MLPH: variants seen among roughly 807,000 people sequenced by gnomAD.
MLPH encodes the protein exophilin-3.
Under a neutral mutation model 72.1 loss-of-function variants are expected in MLPH, and 51 were observed. The ratio of observed to expected loss-of-function variants is 0.71; its 90% CI spans 0.56 to 0.89. The LOEUF is 0.89. Ranked by LOEUF, MLPH falls within the 40% of genes least tolerant of loss-of-function variation. MLPH has a pLI of 0.00. For missense variants in MLPH, 743 were observed against 759.9 expected (o/e 0.98, Z 0.26); for synonymous variants, 301 against 310.1 (o/e 0.97, Z 0.31).
chr2:237,549,701 G>T (rs7564714), intron 14 of MLPH, among the ~76,000 whole-genome samples: 9,404 of 152,154 alleles, frequency 0.062, 956 homozygotes, highest in African/African-American at 0.21. Flanking sequence ...GGCTCTTGGG[G>T]TATCTGTGTG....
At chr2:237,501,143 G>C (rs1406394220) in intron 2 of MLPH, among the ~76,000 whole-genome samples, 2 of 151,976 alleles carry the variant, frequency 1.3e-5, no homozygotes, top group Admixed American at 6.6e-5. Context: ...TTCCTTGTTA[G>C]TGTCTTATCC....
rs985135382 is a variant in MLPH, at chr2:237,512,203, T to G, written c.445+1102T>G. Among the ~76,000 whole-genome samples, 1 of 152,332 alleles carries G rather than the reference T, an allele frequency of 6.6e-6. No individual in the cohort carries two copies. The highest frequency in any genetic ancestry group is 2.1e-4 in the South Asian group (1 of 4,828). ...CCAGGCGTCTCCCCCAGGCCTTCCT[T>G]CTGGAGAGACACCTTATTCGTGCCT... On this transcript the variant is annotated intron_variant, in intron 4 of 15. Coordinates refer to ENST00000264605, the MANE Select transcript of MLPH (RefSeq NM_024101.7). The surrounding 1 kb of genome is among the most constrained non-coding windows in gnomAD (Gnocchi z 5.5).
intron 1 of MLPH, among the ~76,000 whole-genome samples, chr2:237,491,769 T>C (rs1322969843): frequency 6.6e-6 from 1 of 152,154 alleles, no homozygotes; most frequent in African/African-American, 2.4e-5. Flanking sequence ...TCCACATCAA[T>C]ATAAGCTGTG....
intron 12 of MLPH, among the ~76,000 whole-genome samples, chr2:237,546,254 G>C (rs1234566474): frequency 1.3e-5 from 2 of 152,234 alleles, no homozygotes; most frequent in Non-Finnish European, 2.9e-5. Context: ...AATCAGCTAT[G>C]CAGGTGAGCC....
chr2:237,501,674 A>C lies in MLPH; in HGVS notation c.110+8138A>C, dbSNP rs922532927. Reference sequence around the variant, plus strand: ...AAACCACGTCTCTACTAAAAAAAAAAAAAAAAAAAAAAAAATACAAAAAAA... The same window carrying C: ...AAACCACGTCTCTACTAAAAAAAAACAAAAAAAAAAAAAAATACAAAAAAA... On this transcript the variant is annotated intron_variant, in intron 2 of 15. Coordinates refer to ENST00000264605, the MANE Select transcript of MLPH (RefSeq NM_024101.7). Among the ~76,000 whole-genome samples, 510 of 131,574 alleles carry C rather than the reference A, an allele frequency of 3.9e-3. 5 individuals are homozygous for C. Among genetic ancestry groups the C allele is most frequent in the African/African-American group, 0.019 (490 of 26,386 alleles). 86.3% of individuals were successfully genotyped at this position (131,574 alleles called of 152,430 possible). A position where few individuals can be genotyped will look rare whatever the true frequency, so the allele number is the denominator to read the frequency against.
chr2:237,522,661 C>T (rs147897212), intron 6 of MLPH, among the ~76,000 whole-genome samples: 16,252 of 132,790 alleles, frequency 0.12, 1,569 homozygotes, highest in African/African-American at 0.17. Flanking sequence ...AGTGCTGGAG[C>T]GGAGCAGGGC....
At chr2:237,550,849 A>G (rs2081023145) in intron 14 of MLPH, among the ~76,000 whole-genome samples, 2 of 151,968 alleles carry the variant, frequency 1.3e-5, no homozygotes, top group South Asian at 4.2e-4. Flanking sequence ...GTGCCCGGCC[A>G]AGAGATTCAT....
intron 9 of MLPH, among the ~76,000 whole-genome samples, chr2:237,535,955 G>C (rs1247470204): frequency 6.6e-6 from 1 of 152,188 alleles, no homozygotes; most frequent in Non-Finnish European, 1.5e-5. Flanking sequence ...GAGAAAAGCA[G>C]AAACAGAAGT....
chr2:237,525,685 T>C lies in MLPH; in HGVS notation c.760T>C (p.Cys254Arg), dbSNP rs2080287745. 1 of 1,614,002 alleles carries C rather than the reference T, an allele frequency of 6.2e-7. No individual in the cohort carries two copies. Among genetic ancestry groups the C allele is most frequent in the Non-Finnish European group, 8.5e-7 (1 of 1,180,042 alleles). ...LEEADTGASG[C>R]HSHPEEQPTS... is the part of the protein sequence containing the mutation. Reference sequence around the variant, plus strand: ...GGAGGCTGATACTGGGGCCTCTGGGTGCCACTCCCATCCGGAAGAGCAGCC... The same window carrying C: ...GGAGGCTGATACTGGGGCCTCTGGGCGCCACTCCCATCCGGAAGAGCAGCC... The change falls in exon 7 of 16, where the codon TGC becomes CGC. Residue 254 changes from cysteine to arginine, a missense_variant. Physicochemically the swap from Cys to Arg is radical, Grantham distance 180 (BLOSUM62 -3). Transcript: ENST00000264605.
chr2:237,535,684 T>C, intron 9 of MLPH, among the ~76,000 whole-genome samples: 1 of 152,166 alleles, frequency 6.6e-6, no homozygotes, highest in East Asian at 1.9e-4. Context: ...AGGACAGCCT[T>C]CTGGGCCACA....
intron 12 of MLPH, chr2:237,545,581 C>A (rs1361845260): frequency 2.3e-6 from 3 of 1,287,810 alleles, no homozygotes; most frequent in Middle Eastern, 2.8e-4. Flanking sequence ...TAGTCCGCCG[C>A]CACGTGAAGA....
chr2:237,527,320 G>A (rs759572967), intron 7 of MLPH, 57 bp from the exon 8 acceptor site: 45 of 1,609,896 alleles, frequency 2.8e-5, no homozygotes, highest in South Asian at 5.5e-5. Context: ...GACTAAACAC[G>A]TCCATCAGCT....
At chr2:237,502,568 C>T (rs543086328) in intron 2 of MLPH, among the ~76,000 whole-genome samples, 1 of 152,200 alleles carries the variant, frequency 6.6e-6, no homozygotes, top group East Asian at 1.9e-4. Context: ...ATTCTCCAAA[C>T]CCAGGAAGAA....
At position 237,546,458 on chromosome 2, in the gene MLPH, G is replaced by A. The variant is rs146887302; in HGVS notation, c.1540-148G>A. On this transcript the variant is annotated intron_variant, in intron 12 of 15. Transcript: ENST00000264605. ...CGCCCTAGTCCCAGAGTCCTGGAGC[G>A]GCATACTGGGGGTGGCTGTGCAGTC... 3.7e-4 allele frequency: 266 copies of A among 718,382 alleles called. No homozygotes were observed. The African/African-American group carries it at 3.7e-3, about 10-fold the overall frequency. The allele number at this position is 718,382 out of a possible 1,614,324, so 44.5% of individuals were successfully genotyped here.
At chr2:237,502,867 C>G (rs984553161) in intron 2 of MLPH, among the ~76,000 whole-genome samples, 2 of 152,118 alleles carry the variant, frequency 1.3e-5, no homozygotes, top group African/African-American at 4.8e-5. Flanking sequence ...GCCTGTAACC[C>G]TAGCACTTTG....
chr2:237,526,409 C>A (rs1021318903), intron 7 of MLPH, among the ~76,000 whole-genome samples: 14 of 152,034 alleles, frequency 9.2e-5, no homozygotes, highest in Non-Finnish European at 2.1e-4. Flanking sequence ...TGGCTGCGTG[C>A]GGGAAAGCTG....
intron 13 of MLPH, among the ~76,000 whole-genome samples, chr2:237,546,934 G>A (rs538063838): frequency 2.0e-5 from 3 of 152,334 alleles, no homozygotes; most frequent in African/African-American, 7.2e-5. Context: ...AGGGGAGCGG[G>A]AAAGTGAGAC....
At chr2:237,491,539 TGTG>T (rs1210114902) in intron 1 of MLPH, among the ~76,000 whole-genome samples, 1 of 152,168 alleles carries the variant, frequency 6.6e-6, no homozygotes, top group Non-Finnish European at 1.5e-5. Context: ...GTGCTATTCT[TGTG>T]GAGCTTAACA....
intron 8 of MLPH, among the ~76,000 whole-genome samples, chr2:237,531,046 G>C (rs996639820): frequency 6.6e-6 from 1 of 152,152 alleles, no homozygotes; most frequent in African/African-American, 2.4e-5. Flanking sequence ...GTGGAGTATC[G>C]GCTGCAAGTA....
Sources: allele counts gnomAD v4.1 joint callset (sites outside exome capture counted in the v4.1 genomes callset), GRCh38; gene constraint gnomAD v4.1.1; non-coding constraint Gnocchi (gnomAD v3.1); transcripts MANE v1.5; gene names NCBI Gene and HGNC (gene_info 2026-07-23, HGNC 2026-07-21).